Variants in CSMD2 observed in about 807,000 individuals in gnomAD.
CSMD2 encodes the protein CUB and Sushi multiple domains 2, also known as CUB and sushi domain-containing protein 2.
CSMD2 carries 130 observed loss-of-function variants against 398.5 expected under a neutral mutation model. The ratio of observed to expected loss-of-function variants is 0.33; its 90% CI spans 0.28 to 0.38. CSMD2 has a LOEUF of 0.38. CSMD2 is among the 10% of genes least tolerant of loss of function. The pLI, the probability that CSMD2 is intolerant of heterozygous loss-of-function variation, is 1.00. For synonymous variants in CSMD2, 1,828 were observed against 1,908.5 expected (o/e 0.96, Z 1.10); for missense variants, 3,829 against 4,764.9 (o/e 0.80, Z 5.78).
intron 5 of CSMD2, chr1:33,862,514 T>G (rs1026665663): frequency 1.3e-5 from 2 of 152,054 alleles, no homozygotes; most frequent in Non-Finnish European, 2.9e-5. Flanking sequence ...CCTGCTCATG[T>G]CCAAAAAATG....
At chr1:33,709,062 A>T in intron 22 of CSMD2, 27 bp downstream of exon 22, 1 of 1,587,316 alleles carries the variant, frequency 6.3e-7, no homozygotes, top group Non-Finnish European at 8.6e-7. Context: ...ACTATAACAC[A>T]CATACTCTGA....
chr1:33,730,589 C>T (rs1393685194), intron 15 of CSMD2, among the ~76,000 whole-genome samples: 1 of 149,930 alleles, frequency 6.7e-6, no homozygotes, highest in African/African-American at 2.5e-5. Flanking sequence ...AATTTGATAG[C>T]CTACCTTAAT....
At chr1:33,605,964 G>C (rs1640575658) in intron 41 of CSMD2, 2 of 1,613,594 alleles carry the variant, frequency 1.2e-6, no homozygotes, top group African/African-American at 2.7e-5. Context: ...CAGGAAGGAA[G>C]AAATCTGGTG....
intron 57 of CSMD2, among the ~76,000 whole-genome samples, chr1:33,545,574 C>T (rs1656799759): frequency 6.6e-6 from 1 of 152,186 alleles, no homozygotes; most frequent in South Asian, 2.1e-4. Flanking sequence ...TTTCTTTTCT[C>T]TATAAGAGCA....
intron 29 of CSMD2, among the ~76,000 whole-genome samples, chr1:33,644,444 C>A (rs1412025685): frequency 6.6e-6 from 1 of 152,046 alleles, no homozygotes; most frequent in Non-Finnish European, 1.5e-5. Flanking sequence ...GGAATCTCTG[C>A]CAAGAAGAAC....
chr1:33,701,349 C>T (rs1359535919), intron 22 of CSMD2, among the ~76,000 whole-genome samples: 1 of 152,230 alleles, frequency 6.6e-6, no homozygotes, highest in African/African-American at 2.4e-5. Context: ...CATCTGTCCC[C>T]TGAACTTCTT....
intron 1 of CSMD2, among the ~76,000 whole-genome samples, chr1:34,126,165 C>A (rs1253924811): frequency 1.3e-5 from 2 of 152,202 alleles, no homozygotes; most frequent in Non-Finnish European, 2.9e-5. Context: ...CATTCCTCAA[C>A]TGGTATTTCT....
intron 2 of CSMD2, among the ~76,000 whole-genome samples, chr1:34,087,550 C>T (rs530076771): frequency 7.9e-5 from 12 of 151,292 alleles, no homozygotes; most frequent in Admixed American, 4.6e-4. Context: ...AAAACCACCA[C>T]GGCACATGTA....
At chr1:34,003,382 C>T (rs760810937) in intron 3 of CSMD2, among the ~76,000 whole-genome samples, 4 of 152,138 alleles carry the variant, frequency 2.6e-5, no homozygotes, top group East Asian at 1.9e-4. Flanking sequence ...CATAGTTTTG[C>T]GCCTTTCTGT....
chr1:33,637,151 A>G (rs985081226), intron 29 of CSMD2, among the ~76,000 whole-genome samples: 1 of 152,078 alleles, frequency 6.6e-6, no homozygotes, highest in African/African-American at 2.4e-5. Context: ...AGTCATACCC[A>G]TCTGTTGCAG....
chr1:34,144,168 C>T (rs1204611811), intron 1 of CSMD2, among the ~76,000 whole-genome samples: 1 of 152,136 alleles, frequency 6.6e-6, no homozygotes, highest in African/African-American at 2.4e-5. Flanking sequence ...GGTGGGGCTC[C>T]TACCATTCCT....
intron 3 of CSMD2, among the ~76,000 whole-genome samples, chr1:33,994,450 G>A (rs920117659): frequency 6.6e-6 from 1 of 151,982 alleles, no homozygotes; most frequent in Non-Finnish European, 1.5e-5. Context: ...ATGGATGGCC[G>A]TTTTCACAGT....
At chr1:33,965,628 C>T (rs1338038496) in intron 3 of CSMD2, among the ~76,000 whole-genome samples, 1 of 152,164 alleles carries the variant, frequency 6.6e-6, no homozygotes, top group Non-Finnish European at 1.5e-5. Context: ...CAACAACCCT[C>T]TAAAAATACT....
At chr1:33,765,421 C>T (rs1212651346) in intron 13 of CSMD2, among the ~76,000 whole-genome samples, 2 of 152,178 alleles carry the variant, frequency 1.3e-5, no homozygotes, top group Non-Finnish European at 1.5e-5. Context: ...GACTTAACTA[C>T]ATTTGAGGAT....
intron 10 of CSMD2, among the ~76,000 whole-genome samples, chr1:33,803,987 CG>C (rs1357138889): frequency 2.0e-5 from 3 of 152,214 alleles, no homozygotes; most frequent in Admixed American, 2.0e-4. Context: ...GCTAGAAAGA[CG>C]GGGTTTAAAT....
At chr1:34,034,474 T>C (rs1400770684) in intron 2 of CSMD2, among the ~76,000 whole-genome samples, 2 of 152,146 alleles carry the variant, frequency 1.3e-5, no homozygotes, top group Non-Finnish European at 2.9e-5. Context: ...AGCAGCCTTT[T>C]TATCATCACA....
chr1:33,533,886 G>A lies in CSMD2; in HGVS notation c.9901C>T (p.Arg3301Cys), dbSNP rs143597727. The A allele has an allele frequency of 3.4e-5, 55 of 1,613,518 alleles. No homozygotes were observed. Among genetic ancestry groups the A allele is most frequent in the Non-Finnish European group, 4.5e-5 (53 of 1,179,588 alleles). The change falls in exon 63 of 71, where the codon CGT (arginine) becomes TGT (cysteine). Residue 3301 changes from arginine (R) to cysteine (C), a missense_variant. Physicochemically the swap from Arg to Cys is radical, Grantham distance 180 (BLOSUM62 -3). Transcript: ENST00000373381. This position sits in a 1 kb window ranked among gnomAD's most constrained non-coding sequence, Gnocchi z 4.2. ...TGAAGCAGGTAGCCTTTTTGACAACGGAAGAGGACTGTGCTTCCAACCTGC... is the reference window on the plus strand; with the variant it reads ...TGAAGCAGGTAGCCTTTTTGACAACAGAAGAGGACTGTGCTTCCAACCTGC... ...GYQVGSTVLF[R>C]CQKGYLLQGS...
intron 13 of CSMD2, among the ~76,000 whole-genome samples, chr1:33,757,576 A>G (rs1166171636): frequency 2.0e-5 from 3 of 152,114 alleles, no homozygotes. Flanking sequence ...ACTGCCTCCA[A>G]AATAAATTCT....
intron 1 of CSMD2, among the ~76,000 whole-genome samples, chr1:34,135,242 TCACACACACACACACACACACACA>T (rs66898227): frequency 7.4e-6 from 1 of 135,488 alleles, no homozygotes; most frequent in African/African-American, 2.7e-5. Flanking sequence ...CATGTTGAAA[TCACACACACACACACACACACACA>T]CACACACACA....
Sources: gnomAD v4.1 joint callset for allele counts (sites outside exome capture counted in the v4.1 genomes callset) on GRCh38, gnomAD v4.1.1 for gene constraint, Gnocchi (gnomAD v3.1) non-coding constraint, MANE v1.5 for transcripts, NCBI Gene and HGNC (gene_info 2026-07-23, HGNC 2026-07-21) for gene names.